SKAP1: variants seen among roughly 807,000 people sequenced by gnomAD.
SKAP1 encodes src kinase-associated phosphoprotein 1.
In SKAP1, 44 loss-of-function variants were observed where a neutral mutation model predicts 58.5. The ratio of observed to expected loss-of-function variants is 0.75; its 90% confidence interval spans 0.59 to 0.97. The LOEUF is 0.97. Among genes scored for constraint, SKAP1 ranks in the 50% least tolerant of loss-of-function variants. The pLI is 0.00. For synonymous variants in SKAP1, 127 were observed against 149.7 expected (o/e 0.85, Z 1.11); for missense variants, 390 against 435.2 (o/e 0.90, Z 0.92).
At chr17:48,134,451 C>T (rs974956199) in intron 12 of SKAP1, among the ~76,000 whole-genome samples, 8 of 150,978 alleles carry the variant, frequency 5.3e-5, no homozygotes, top group Non-Finnish European at 8.9e-5. Context: ...CCTGAGTAGC[C>T]GGGTTACAGG....
intron 10 of SKAP1, among the ~76,000 whole-genome samples, chr17:48,169,448 T>C (rs1380662328): frequency 6.6e-6 from 1 of 152,198 alleles, no homozygotes; most frequent in South Asian, 2.1e-4. Context: ...GTACAGTAAG[T>C]AGACAACAGA....
chr17:48,305,221 G>C (rs182930520), intron 4 of SKAP1, among the ~76,000 whole-genome samples: 368 of 152,230 alleles, frequency 2.4e-3, no homozygotes, highest in Non-Finnish European at 3.8e-3. Flanking sequence ...TCACTTTGTT[G>C]ACCAGGCTGC....
chr17:48,351,425 A>C (rs1157043815), intron 3 of SKAP1, among the ~76,000 whole-genome samples: 4 of 151,452 alleles, frequency 2.6e-5, no homozygotes, highest in Non-Finnish European at 5.9e-5. Flanking sequence ...CTTTCTGCCT[A>C]TCTCTCTTTT....
intron 3 of SKAP1, among the ~76,000 whole-genome samples, chr17:48,347,785 T>C (rs2066742143): frequency 6.6e-6 from 1 of 152,252 alleles, no homozygotes; most frequent in East Asian, 1.9e-4. Context: ...ATGCTCAAAT[T>C]TTACATCACT....
At chr17:48,440,491 G>A in the SKAP1 span, among the ~76,000 whole-genome samples, 2 of 152,166 alleles carry the variant, frequency 1.3e-5, no homozygotes, top group African/African-American at 4.8e-5. Flanking sequence ...TGTGGCGTAA[G>A]GGTCTGACCA....
intron 1 of SKAP1, among the ~76,000 whole-genome samples, chr17:48,425,943 T>G (rs1216781603): frequency 6.6e-6 from 1 of 152,052 alleles, no homozygotes; most frequent in African/African-American, 2.4e-5. Context: ...AGTTAAAGAG[T>G]GCTCTAAAGA....
chr17:48,371,654 CAAAAAAAAAAAAAAAA>C (rs71141985), intron 2 of SKAP1, among the ~76,000 whole-genome samples: 3 of 37,892 alleles, frequency 7.9e-5, no homozygotes, highest in Admixed American at 4.5e-4. Flanking sequence ...CTTGTCTCCA[CAAAAAAAAAAAAAAAA>C]AAAAAAAAAA....
chr17:48,201,371 CTTCT>C (rs1489613080), intron 4 of SKAP1, among the ~76,000 whole-genome samples: 8 of 148,476 alleles, frequency 5.4e-5, no homozygotes, highest in African/African-American at 2.0e-4. Context: ...TCCCTCTTTC[CTTCT>C]TTCCTCTCTC....
chr17:48,153,168 T>C (rs1469239112), intron 11 of SKAP1, among the ~76,000 whole-genome samples: 1 of 152,194 alleles, frequency 6.6e-6, no homozygotes, highest in Non-Finnish European at 1.5e-5. Flanking sequence ...TTATTCTCTT[T>C]TTAAAAAATG....
Position 48,246,979 on chromosome 17 carries a change from C to T in SKAP1, c.281-57479G>A, listed in dbSNP as rs560330298. 2.1e-3 allele frequency among the ~76,000 whole-genome samples: 317 copies of T among 152,292 alleles called. 2 individuals are homozygous for T. The highest frequency in any genetic ancestry group is 7.3e-3 in the African/African-American group (305 of 41,544). ...TGTTAGAAAGAAGGAAATTAAACAA[C>T]CTTTCCCATCCCCCTGACTCATACC... On this transcript the variant is annotated intron_variant, in intron 4 of 12. Coordinates refer to ENST00000336915, the MANE Select transcript of SKAP1 (RefSeq NM_003726.4).
chr17:48,239,348 G>T (rs1450032064), intron 4 of SKAP1, among the ~76,000 whole-genome samples: 1 of 152,186 alleles, frequency 6.6e-6, no homozygotes, highest in Non-Finnish European at 1.5e-5. Context: ...AGTAAATTCT[G>T]TCCTGGCGAA....
chr17:48,444,532 T>G, the SKAP1 span, among the ~76,000 whole-genome samples: 1 of 152,226 alleles, frequency 6.6e-6, no homozygotes, highest in Non-Finnish European at 1.5e-5. Context: ...ATTAGGTGCA[T>G]GCATTCATAA....
intron 4 of SKAP1, among the ~76,000 whole-genome samples, chr17:48,322,075 T>A (rs1042246975): frequency 6.6e-6 from 1 of 152,230 alleles, no homozygotes; most frequent in Non-Finnish European, 1.5e-5. Flanking sequence ...CCTGGCATTA[T>A]CTTTCCTTAT....
chr17:48,242,624 G>C (rs1404685518), intron 4 of SKAP1, among the ~76,000 whole-genome samples: 3 of 152,170 alleles, frequency 2.0e-5, no homozygotes, highest in Non-Finnish European at 2.9e-5. Flanking sequence ...CTGATAGAAA[G>C]CTCCTCAGTG....
intron 1 of SKAP1, among the ~76,000 whole-genome samples, chr17:48,403,762 G>A (rs1247856374): frequency 1.3e-5 from 2 of 152,110 alleles, no homozygotes; most frequent in Admixed American, 1.3e-4. Flanking sequence ...AGAAAGAGGT[G>A]GTGATAAATG....
intron 4 of SKAP1, among the ~76,000 whole-genome samples, chr17:48,251,261 C>T (rs2065360233): frequency 6.6e-6 from 1 of 152,208 alleles, no homozygotes; most frequent in Non-Finnish European, 1.5e-5. Context: ...CAGCAGGAAA[C>T]ATGCCTAGTG....
chr17:48,280,644 A>G (rs1471150983), intron 4 of SKAP1, among the ~76,000 whole-genome samples: 1 of 152,218 alleles, frequency 6.6e-6, no homozygotes, highest in Non-Finnish European at 1.5e-5. Flanking sequence ...TCACTCTGAA[A>G]AGCTCCTTTT....
intron 1 of SKAP1, among the ~76,000 whole-genome samples, chr17:48,413,523 A>AAAAAT: frequency 9.5e-6 from 1 of 105,508 alleles, no homozygotes; most frequent in African/African-American, 4.3e-5. Flanking sequence ...TCAAAAAAAA[A>AAAAAT]ATATATATAT....
intron 4 of SKAP1, among the ~76,000 whole-genome samples, chr17:48,277,485 T>C (rs1362538190): frequency 6.6e-6 from 1 of 152,248 alleles, no homozygotes; most frequent in Non-Finnish European, 1.5e-5. Flanking sequence ...TCTGAAGATG[T>C]TAATTTATTT....
Sources: gnomAD v4.1 joint callset for allele counts (sites outside exome capture counted in the v4.1 genomes callset) on GRCh38, gnomAD v4.1.1 for gene constraint, MANE v1.5 for transcripts, NCBI Gene and HGNC (gene_info 2026-07-23, HGNC 2026-07-21) for gene names.